CDK14: variants seen among roughly 807,000 people sequenced by gnomAD.
The protein encoded by CDK14 is cyclin dependent kinase 14.
In CDK14, 34 loss-of-function variants were observed where a neutral mutation model predicts 60.7. The observed-to-expected ratio is 0.56, with a 90% confidence interval of 0.43 to 0.75. CDK14 has a LOEUF of 0.75. Ranked by LOEUF, CDK14 falls within the 30% of genes least tolerant of loss-of-function variation. The probability of loss-of-function intolerance (pLI) is 0.00; values close to 1 mark genes in which losing one functional copy is unlikely to be tolerated. For missense variants in CDK14, 482 were observed against 564.1 expected (o/e 0.85, Z 1.47); for synonymous variants, 197 against 203.7 (o/e 0.97, Z 0.28).
At chr7:91,171,418 T>C (rs371294417) in intron 14 of CDK14, among the ~76,000 whole-genome samples, 1 of 152,196 alleles carries the variant, frequency 6.6e-6, no homozygotes, top group African/African-American at 2.4e-5. Context: ...ATATTTGCTA[T>C]GACTAGTGTT....
intron 5 of CDK14, among the ~76,000 whole-genome samples, chr7:90,819,607 G>C (rs561348971): frequency 6.6e-6 from 1 of 152,118 alleles, no homozygotes; most frequent in South Asian, 2.1e-4. Context: ...AAAGAAAAGA[G>C]AGAAGACATT....
At chr7:91,095,693 G>A (rs1473096093) in intron 12 of CDK14, among the ~76,000 whole-genome samples, 4 of 151,900 alleles carry the variant, frequency 2.6e-5, no homozygotes, top group Non-Finnish European at 5.9e-5. Context: ...TAAAAACATA[G>A]GAAATTCTCC....
At chr7:90,877,359 A>T (rs1791597728) in intron 6 of CDK14, among the ~76,000 whole-genome samples, 1 of 152,194 alleles carries the variant, frequency 6.6e-6, no homozygotes, top group Admixed American at 6.5e-5. Flanking sequence ...GGTATATTCA[A>T]GCCTGGCTAT....
intron 11 of CDK14, among the ~76,000 whole-genome samples, chr7:91,048,848 GT>G (rs1466045453): frequency 6.6e-6 from 1 of 151,758 alleles, no homozygotes; most frequent in Non-Finnish European, 1.5e-5. Context: ...GTTGAGTTGT[GT>G]TTTTTTAAAC....
intron 2 of CDK14, among the ~76,000 whole-genome samples, chr7:90,708,260 T>A (rs1291661373): frequency 6.6e-6 from 1 of 152,154 alleles, no homozygotes; most frequent in Non-Finnish European, 1.5e-5. Flanking sequence ...AAGAGAGTTT[T>A]ATGAGGTGGT....
chr7:91,145,653 G>C (rs979403456), intron 14 of CDK14, among the ~76,000 whole-genome samples: 11 of 152,164 alleles, frequency 7.2e-5, no homozygotes, highest in African/African-American at 2.7e-4. Flanking sequence ...TCACTCTTCA[G>C]CTCCTGTCCC....
chr7:90,864,983 A>G (rs959191852), intron 6 of CDK14, among the ~76,000 whole-genome samples: 1 of 152,052 alleles, frequency 6.6e-6, no homozygotes, highest in African/African-American at 2.4e-5. Context: ...TCTCTTTTAG[A>G]GATTGAGGCC....
intron 2 of CDK14, among the ~76,000 whole-genome samples, chr7:90,646,098 T>A (rs971139839): frequency 1.3e-5 from 2 of 152,210 alleles, no homozygotes; most frequent in African/African-American, 4.8e-5. Flanking sequence ...TTTTTGTTTC[T>A]TTAGCCTTGC....
At chr7:90,835,428 G>A (rs1790061992) in intron 5 of CDK14, among the ~76,000 whole-genome samples, 1 of 152,124 alleles carries the variant, frequency 6.6e-6, no homozygotes, top group South Asian at 2.1e-4. Flanking sequence ...ATTGCTGGAA[G>A]GAAGGGGAAG....
intron 14 of CDK14, among the ~76,000 whole-genome samples, chr7:91,197,058 T>G (rs921972097): frequency 1.3e-5 from 2 of 152,206 alleles, no homozygotes; most frequent in African/African-American, 4.8e-5. Context: ...GGTGACCAGC[T>G]TGTTCCATTT....
intron 2 of CDK14, among the ~76,000 whole-genome samples, chr7:90,639,689 G>A (rs1259732973): frequency 2.2e-5 from 3 of 133,422 alleles, no homozygotes; most frequent in African/African-American, 8.2e-5. Flanking sequence ...GGTTACTGCT[G>A]TCTTTTTGTT....
intron 7 of CDK14, among the ~76,000 whole-genome samples, chr7:90,902,793 G>A (rs1399332130): frequency 6.6e-6 from 1 of 152,024 alleles, no homozygotes; most frequent in Admixed American, 6.6e-5. Context: ...GGAAACAGGA[G>A]CAAAGATACA....
chr7:90,735,578 A>T (rs922373974), intron 3 of CDK14, among the ~76,000 whole-genome samples: 3 of 152,236 alleles, frequency 2.0e-5, no homozygotes, highest in Non-Finnish European at 4.4e-5. Flanking sequence ...GCTGAGCTAC[A>T]GTGGGCTCTG....
At chr7:90,864,780 A>G (rs1279809326) in intron 6 of CDK14, among the ~76,000 whole-genome samples, 3 of 152,214 alleles carry the variant, frequency 2.0e-5, no homozygotes, top group African/African-American at 4.8e-5. Flanking sequence ...TGCATTATTT[A>G]CTGATAAAGA....
chr7:91,034,974 A>ACG (rs1478616978), intron 10 of CDK14, among the ~76,000 whole-genome samples: 1 of 151,778 alleles, frequency 6.6e-6, no homozygotes, highest in Non-Finnish European at 1.5e-5. Flanking sequence ...ACACACACAC[A>ACG]CACATTGATA....
At chr7:91,084,244 C>A (rs1017740277) in intron 12 of CDK14, among the ~76,000 whole-genome samples, 13 of 152,190 alleles carry the variant, frequency 8.5e-5, no homozygotes, top group Admixed American at 8.5e-4. Context: ...ATTTTGTTCT[C>A]GCCGCAGCCA....
In CDK14 at chr7:90,949,045, G is replaced by GA. The variant is rs553139366; in HGVS notation, c.827-6646dup. Among the ~76,000 whole-genome samples, 39 of 151,982 alleles carry GA rather than the reference G, an allele frequency of 2.6e-4. No homozygotes were observed. In the South Asian group the frequency reaches 7.9e-3, roughly 31 times the overall value. On this transcript the variant is annotated intron_variant, in intron 8 of 14. Coordinates refer to ENST00000380050, the MANE Select transcript of CDK14 (RefSeq NM_001287135.2). ...TGTTTTTATTTTCTATGCAAAAAGA[G>GA]AAAAAACAGAAAAAAATGTAATTCC...
intron 3 of CDK14, among the ~76,000 whole-genome samples, chr7:90,731,767 A>G (rs1459284782): frequency 1.3e-5 from 2 of 152,306 alleles, no homozygotes; most frequent in South Asian, 2.1e-4. Context: ...TTCTAAATAT[A>G]CAATCATGTC....
chr7:91,124,672 G>A (rs528567425), intron 14 of CDK14, among the ~76,000 whole-genome samples: 19 of 152,068 alleles, frequency 1.2e-4, no homozygotes, highest in South Asian at 6.2e-4. Flanking sequence ...GGTGAGGGGC[G>A]GGGGGAATAG....
Sources: gnomAD v4.1 joint callset for allele counts (sites outside exome capture counted in the v4.1 genomes callset) on GRCh38, gnomAD v4.1.1 for gene constraint, MANE v1.5 for transcripts, NCBI Gene and HGNC (gene_info 2026-07-23, HGNC 2026-07-21) for gene names.